The following FAM53A variants were observed in gnomAD, a reference collection of about 807,000 sequenced individuals.
The protein encoded by FAM53A is protein FAM53A.
Under a neutral mutation model 26.6 loss-of-function variants are expected in FAM53A, and 28 were observed. That is an observed-to-expected ratio of 1.05 (90% CI 0.78 to 1.45). The LOEUF (loss-of-function observed/expected upper bound fraction) is 1.45. Ranked by LOEUF, FAM53A falls within the 40% of genes most tolerant of loss-of-function variation. The probability of loss-of-function intolerance (pLI) is 0.00; values close to 1 mark genes in which losing one functional copy is unlikely to be tolerated. For synonymous variants in FAM53A, 290 were observed against 253.1 expected, an observed-to-expected ratio of 1.15 and a Z score of -1.38; for missense variants, 650 against 575.8, an observed-to-expected ratio of 1.13 and a Z score of -1.32.
chr4:1,613,835 A>G (rs998505118), downstream of FAM53A, among the ~76,000 whole-genome samples: 9 of 152,324 alleles, frequency 5.9e-5, no homozygotes, highest in South Asian at 1.7e-3. Flanking sequence ...CATAACTCAA[A>G]AACTAGGAAA....
chr4:1,577,598 C>T, the FAM53A span, among the ~76,000 whole-genome samples: 4 of 152,182 alleles, frequency 2.6e-5, no homozygotes, highest in Non-Finnish European at 2.9e-5. Flanking sequence ...AATTACCAGC[C>T]CTGGGCAGGT....
At chr4:1,666,449 A>G (rs1012234378) in intron 2 of FAM53A, among the ~76,000 whole-genome samples, 4 of 152,074 alleles carry the variant, frequency 2.6e-5, no homozygotes, top group African/African-American at 4.8e-5. Context: ...AAAAAAAAAG[A>G]GGTGAAGAGT....
At chr4:1,615,403 C>G (rs1362001825), downstream of FAM53A, among the ~76,000 whole-genome samples, 1 of 148,204 alleles carries the variant, frequency 6.7e-6, no homozygotes, top group Non-Finnish European at 1.5e-5. Context: ...GCCACATCCA[C>G]CCCACCTGGG....
rs149453327 is a variant in FAM53A, at chr4:1,641,236, C to G, written c.*57G>C. The stretch of plus-strand genomic sequence containing the variant: ...CCGACCAGCTCACAGGAAACCTACT[C>G]TGTGCCCCAGGGCAGGTGCAGGCGG... On this transcript the variant is annotated 3_prime_UTR_variant, in exon 5 of 5. Coordinates refer to ENST00000308132, the MANE Select transcript of FAM53A (RefSeq NM_001174070.3). 0.041 allele frequency: 61,222 copies of G among 1,483,066 alleles called. 1,292 individuals carry two copies. The highest frequency in any genetic ancestry group is 0.09 in the Middle Eastern group (467 of 5,164). The allele number at this position is 1,483,066 out of a possible 1,614,324, so 91.9% of individuals were successfully genotyped here. A position where few individuals can be genotyped will look rare whatever the true frequency, so the allele number is the denominator to read the frequency against.
the FAM53A span, among the ~76,000 whole-genome samples, chr4:1,587,671 C>T: frequency 0.096 from 14,655 of 151,966 alleles, 1,004 homozygotes; most frequent in Non-Finnish European, 0.14. Context: ...GACTCTGCCT[C>T]GAAAATAAAA....
chr4:1,641,355 C>G lies in FAM53A; in HGVS notation c.1135G>C (p.Glu379Gln). 6.2e-7 allele frequency: 1 copy of G among 1,611,588 alleles called. No individual in the cohort carries two copies. The highest frequency in any genetic ancestry group is 1.1e-5 in the South Asian group (1 of 90,846). Residue 379 changes from glutamate (E) to glutamine (Q), a missense_variant, in exon 5 of 5, where the codon GAG becomes CAG. By Grantham distance (29) the Glu-to-Gln change is conservative. Coordinates refer to ENST00000308132, the MANE Select transcript of FAM53A (RefSeq NM_001174070.3). The part of the protein sequence containing the change: ...GDPRDGDSVG[E>Q]EGVFPRARWE... ...CGGGCCCGGGGGAAGACGCCCTCCT[C>G]CCCGACACTGTCCCCATCACGGGGG...
chr4:1,673,347 G>A (rs371058329), intron 1 of FAM53A, among the ~76,000 whole-genome samples: 4 of 152,224 alleles, frequency 2.6e-5, no homozygotes, highest in Non-Finnish European at 5.9e-5. Flanking sequence ...CTGTGGTCAC[G>A]TGTGATGTGA....
chr4:1,588,916 A>G, the FAM53A span, among the ~76,000 whole-genome samples: 3 of 152,228 alleles, frequency 2.0e-5, no homozygotes, highest in Non-Finnish European at 4.4e-5. Context: ...CTTTGTGTGT[A>G]GGTAATCACA....
At chr4:1,590,627 C>T in the FAM53A span, among the ~76,000 whole-genome samples, 2 of 151,886 alleles carry the variant, frequency 1.3e-5, no homozygotes, top group African/African-American at 2.4e-5. Flanking sequence ...TGAAGCCATC[C>T]GTTCCCAATA....
In FAM53A at chr4:1,630,003, C is replaced by A. The variant is rs1038024713; in HGVS notation, c.432-11892G>T. Reference sequence around the variant, plus strand: ...CCTCTCCCAGACCTTCCCTTCTGTGCTCCCTTCCTCATCCTTCCCCATGTC... The same window carrying A: ...CCTCTCCCAGACCTTCCCTTCTGTGATCCCTTCCTCATCCTTCCCCATGTC... On this transcript the variant is annotated intron_variant, in intron 1 of 1. Coordinates refer to the FAM53A transcript ENST00000489029. The surrounding 1 kb of genome is among the most constrained non-coding windows in gnomAD (Gnocchi z 4.3). Among the ~76,000 whole-genome samples the A allele has an allele frequency of 6.6e-6, 1 of 152,200 alleles. No homozygotes were observed. Among genetic ancestry groups the A allele is most frequent in the African/African-American group, 2.4e-5 (1 of 41,460 alleles).
At chr4:1,590,403 C>CTGGTGGGGA in the FAM53A span, among the ~76,000 whole-genome samples, 2 of 152,166 alleles carry the variant, frequency 1.3e-5, no homozygotes, top group Non-Finnish European at 2.9e-5. Flanking sequence ...GGTGCTCCCT[C>CTGGTGGGGA]ATTTGATGCT....
At chr4:1,610,097 C>T in the FAM53A span, among the ~76,000 whole-genome samples, 1 of 151,834 alleles carries the variant, frequency 6.6e-6, no homozygotes, top group Non-Finnish European at 1.5e-5. Context: ...CCTGCGACTT[C>T]CCTATGCTTG....
rs542210492 is a variant in FAM53A, at chr4:1,656,713, T to C, written c.136+695A>G. Among the ~76,000 whole-genome samples the C allele has an allele frequency of 7.2e-5, 11 of 152,240 alleles. No homozygotes were observed. The South Asian group carries it at 2.3e-3, about 32-fold the overall frequency. On this transcript the variant is annotated intron_variant, in intron 3 of 4. Transcript: ENST00000308132. ...CAGCTGGGGCCTCACACATGCTACTTCCATCTACTCATGAAAGAATCTGGT... is the reference window on the plus strand; with the variant it reads ...CAGCTGGGGCCTCACACATGCTACTCCCATCTACTCATGAAAGAATCTGGT...
chr4:1,657,437 C>T lies in FAM53A; in HGVS notation c.107G>A (p.Ser36Asn), dbSNP rs184143162. The T allele has an allele frequency of 9.8e-4, 1,580 of 1,613,884 alleles. 13 individuals carry two copies. Among genetic ancestry groups the T allele is most frequent in the Non-Finnish European group, 1.2e-4 (140 of 1,179,886 alleles). ...GAGCTCCAAAGGGAACAGACGACCG[C>T]TCTTGTTCAGGGTTTCCGCAGAATA... ...LQYSAETLNK[S>N]GRLFPLELND... is the part of the protein sequence containing the mutation. Residue 36 changes from serine to asparagine, a missense_variant, in exon 3 of 5, where the codon AGC becomes AAC. Transcript: ENST00000308132.
intron 1 of FAM53A, among the ~76,000 whole-genome samples, chr4:1,627,589 G>A (rs1316814265): frequency 6.6e-6 from 1 of 152,150 alleles, no homozygotes; most frequent in Non-Finnish European, 1.5e-5. Context: ...GCTCCCATCC[G>A]CCGTGGGCCT....
chr4:1,633,122 G>C (rs905500003), intron 1 of FAM53A, among the ~76,000 whole-genome samples: 2 of 151,306 alleles, frequency 1.3e-5, no homozygotes, highest in African/African-American at 4.8e-5. Context: ...ACAAACATAG[G>C]TACTCATGCT....
At chr4:1,598,577 T>C in the FAM53A span, among the ~76,000 whole-genome samples, 1 of 152,218 alleles carries the variant, frequency 6.6e-6, no homozygotes, top group Non-Finnish European at 1.5e-5. Flanking sequence ...GCGTGAAGAA[T>C]TGCTGTCGTC....
chr4:1,593,382 T>C, the FAM53A span, among the ~76,000 whole-genome samples: 4 of 151,434 alleles, frequency 2.6e-5, no homozygotes, highest in Non-Finnish European at 5.9e-5. Flanking sequence ...TAGGGTGAGC[T>C]CAGGCCCAGG....
the FAM53A span, among the ~76,000 whole-genome samples, chr4:1,580,488 G>A: frequency 4.6e-5 from 7 of 151,868 alleles, no homozygotes; most frequent in South Asian, 1.5e-3. Flanking sequence ...CCCCGGCGCG[G>A]GGTGCACGGA....
Sources: gnomAD v4.1 joint callset for allele counts (sites outside exome capture counted in the v4.1 genomes callset) on GRCh38, gnomAD v4.1.1 for gene constraint, Gnocchi (gnomAD v3.1) non-coding constraint, MANE v1.5 for transcripts, NCBI Gene and HGNC (gene_info 2026-07-23, HGNC 2026-07-21) for gene names.